The following SMG7 variants were observed in gnomAD, a reference collection of about 807,000 sequenced individuals.
The protein encoded by SMG7 is nonsense-mediated mRNA decay factor SMG7.
In SMG7, 34 loss-of-function variants were observed where a neutral mutation model predicts 148.2. The ratio of observed to expected loss-of-function variants is 0.23; its 90% CI spans 0.17 to 0.31. The LOEUF (loss-of-function observed/expected upper bound fraction) is 0.31. Ranked by LOEUF, SMG7 falls within the 10% of genes least tolerant of loss-of-function variation. SMG7 has a pLI of 1.00. For synonymous variants in SMG7, 492 were observed against 515.1 expected (o/e 0.96, Z 0.61); for missense variants, 1,114 against 1,408.4 (o/e 0.79, Z 3.35).
Position 183,545,176 on chromosome 1 carries a change from C to A in SMG7, c.2234C>A (p.Thr745Lys), listed in dbSNP as rs1484358253. Reference sequence around the variant, plus strand: ...CAGCCACCTTCCCAGCAACCCCTTACATCTTTACCAGCTCAGCCAACAGCA... The same window carrying A: ...CAGCCACCTTCCCAGCAACCCCTTAAATCTTTACCAGCTCAGCCAACAGCA... ...QSQPPSQQPL[T>K]SLPAQPTAQS... Residue 745 changes from threonine to lysine, a missense_variant, in exon 16 of 23, where the codon ACA (threonine) becomes AAA (lysine). Physicochemically the swap from Thr to Lys is moderately conservative, Grantham distance 78. Transcript: ENST00000688051. 1 of 1,614,068 alleles carries A rather than the reference C, an allele frequency of 6.2e-7. No homozygotes were observed. The highest frequency in any genetic ancestry group is 1.3e-5 in the African/African-American group (1 of 74,928).
intron 7 of SMG7, 120 bp from the exon 8 acceptor site, chr1:183,529,278 T>G: frequency 8.4e-7 from 1 of 1,187,270 alleles, no homozygotes; most frequent in East Asian, 2.4e-5. Context: ...GTGTTGCAGT[T>G]GAAAAATCAG....
rs147618514 is a variant in SMG7 at position 183,521,562 on chromosome 1, G to A, written c.312+3742G>A. On this transcript the variant is annotated intron_variant, in intron 4 of 22. Transcript: ENST00000688051. ...ATTGTTATATGGCCTTATAAGCTAA[G>A]ATGAGTTTTGAATTTTAATTTTAAG... is the stretch of plus-strand genomic sequence containing the variant. Among the ~76,000 whole-genome samples the A allele has an allele frequency of 5.9e-5, 9 of 152,282 alleles. No individual in the cohort carries two copies. The East Asian group carries it at 1.7e-3, about 29-fold the overall frequency.
chr1:183,522,574 CA>C, intron 4 of SMG7, among the ~76,000 whole-genome samples: 1 of 151,766 alleles, frequency 6.6e-6, no homozygotes, highest in Non-Finnish European at 1.5e-5. Context: ...AAGTTTATAA[CA>C]GATGACAAGT....
intron 1 of SMG7, among the ~76,000 whole-genome samples, chr1:183,490,752 A>G (rs1656751096): frequency 1.3e-5 from 2 of 152,150 alleles, no homozygotes; most frequent in Admixed American, 1.3e-4. Context: ...CATCACCCTG[A>G]TCAAGAACAT....
intron 1 of SMG7, among the ~76,000 whole-genome samples, chr1:183,488,402 G>A (rs1007110500): frequency 2.0e-5 from 3 of 152,220 alleles, no homozygotes; most frequent in African/African-American, 7.2e-5. Flanking sequence ...GTTGATAGAG[G>A]AAGGTGGGAA....
At chr1:183,472,954 G>C in intron 1 of SMG7, 29 of 345,858 alleles carry the variant, frequency 8.4e-5, no homozygotes, top group African/African-American at 8.6e-5. Flanking sequence ...GGGGTGGAGA[G>C]AAACGTCCGG....
At chr1:183,537,502 A>G (rs1668003395) in intron 11 of SMG7, among the ~76,000 whole-genome samples, 1 of 152,180 alleles carries the variant, frequency 6.6e-6, no homozygotes. Flanking sequence ...TAAAAAAAGC[A>G]ATTAACATGA....
At chr1:183,477,544 A>G (rs925243882) in intron 1 of SMG7, among the ~76,000 whole-genome samples, 1 of 148,122 alleles carries the variant, frequency 6.8e-6, no homozygotes, top group African/African-American at 2.5e-5. Flanking sequence ...GTATATATGC[A>G]TATATACGTG....
At chr1:183,549,699 A>T (rs1222564720) in intron 19 of SMG7, 65 bp from the exon 20 acceptor site, 10 of 1,331,896 alleles carry the variant, frequency 7.5e-6, no homozygotes, top group South Asian at 1.2e-5. Context: ...CATGAACAAG[A>T]CATTGGATTT....
chr1:183,534,566 T>G (rs1416142377), intron 10 of SMG7, among the ~76,000 whole-genome samples: 1 of 152,168 alleles, frequency 6.6e-6, no homozygotes, highest in Admixed American at 6.5e-5. Flanking sequence ...TAAGCCACAT[T>G]TAAGACCCTG....
At chr1:183,525,727 AG>A (rs2102566213) in intron 4 of SMG7, among the ~76,000 whole-genome samples, 1 of 152,284 alleles carries the variant, frequency 6.6e-6, no homozygotes, top group African/African-American at 2.4e-5. Flanking sequence ...AGCTCTGACT[AG>A]GAAGAAGAGC....
intron 1 of SMG7, among the ~76,000 whole-genome samples, chr1:183,511,126 G>GTC (rs1192714613): frequency 7.9e-5 from 12 of 150,946 alleles, no homozygotes; most frequent in East Asian, 7.7e-4. Context: ...GCAAGGCCCA[G>GTC]TCTCTCTCTC....
intron 1 of SMG7, among the ~76,000 whole-genome samples, chr1:183,473,390 CAG>C (rs1651262739): frequency 1.3e-5 from 2 of 151,464 alleles, no homozygotes; most frequent in Non-Finnish European, 2.9e-5. Context: ...ACTTGTATGT[CAG>C]AGGTAGAGTG....
At position 183,551,059 on chromosome 1, in the gene SMG7, G is replaced by A; in HGVS notation, c.3319G>A (p.Gly1107Ser). The A allele has an allele frequency of 6.2e-7, 1 of 1,613,970 alleles. No homozygotes were observed. The highest frequency in any genetic ancestry group is 8.5e-7 in the Non-Finnish European group (1 of 1,179,954). Residue 1107 changes from glycine to serine, a missense_variant, in exon 22 of 23, where the codon GGC (glycine) becomes AGC (serine). Transcript: ENST00000688051. ...TCATCCCTTAGCCATGGGTGGGTTTGGCATTGATTATCTCTCAGCAACGTC... is the reference window on the plus strand; with the variant it reads ...TCATCCCTTAGCCATGGGTGGGTTTAGCATTGATTATCTCTCAGCAACGTC... ...KTDKPAMGGF[G>S]IDYLSATSSS...
At chr1:183,534,168 T>C (rs1667334457) in intron 10 of SMG7, among the ~76,000 whole-genome samples, 1 of 150,412 alleles carries the variant, frequency 6.6e-6, no homozygotes, top group South Asian at 2.1e-4. Context: ...AATTTTTTGT[T>C]TGAGTTGAAG....
chr1:183,500,117 G>A (rs909807864), intron 1 of SMG7, among the ~76,000 whole-genome samples: 4 of 152,090 alleles, frequency 2.6e-5, no homozygotes, highest in African/African-American at 9.7e-5. Flanking sequence ...CTTTCCTGTT[G>A]TTTATGGCTT....
intron 3 of SMG7, 140 bp from the exon 4 acceptor site, chr1:183,517,548 A>G: frequency 1.2e-6 from 1 of 823,892 alleles, no homozygotes. Context: ...AAAGTTATTT[A>G]AATAAATGAA....
rs151029142 is a variant in SMG7 at position 183,522,968 on chromosome 1, A to G, written c.313-3628A>G. ...ATTTTTTGTAGAATGGAGTCTCACT[A>G]TGTTACCCAGGCTGGTTTAGTTTTA... On this transcript the variant is annotated intron_variant, in intron 4 of 22. Transcript: ENST00000688051. 3.4e-3 allele frequency among the ~76,000 whole-genome samples: 523 copies of G among 152,014 alleles called. 2 individuals are homozygous for G. The highest frequency in any genetic ancestry group is 6.8e-3 in the Middle Eastern group (2 of 294).
At chr1:183,494,861 G>T (rs1222378508) in intron 1 of SMG7, among the ~76,000 whole-genome samples, 2 of 138,902 alleles carry the variant, frequency 1.4e-5, no homozygotes, top group African/African-American at 5.3e-5. Context: ...TGGGTGTCTC[G>T]CTCTGTTGCC....
Sources: gnomAD v4.1 joint callset for allele counts (sites outside exome capture counted in the v4.1 genomes callset) on GRCh38, gnomAD v4.1.1 for gene constraint, MANE v1.5 for transcripts, NCBI Gene and HGNC (gene_info 2026-07-23, HGNC 2026-07-21) for gene names.